CLASP1: variants seen among roughly 807,000 people sequenced by gnomAD.
The protein encoded by CLASP1 is CLIP-associating protein 1.
Under a neutral mutation model 192.3 loss-of-function variants are expected in CLASP1, and 38 were observed. The observed-to-expected ratio is 0.20, with a 90% confidence interval of 0.15 to 0.26. The LOEUF is 0.26. Ranked by LOEUF, CLASP1 falls within the 10% of genes least tolerant of loss-of-function variation. The pLI is 1.00. For synonymous variants in CLASP1, 691 were observed against 712.8 expected (o/e 0.97, Z 0.49); for missense variants, 1,433 against 1,932.5 (o/e 0.74, Z 4.85).
At chr2:121,522,061 C>T (rs766751177) in intron 6 of CLASP1, among the ~76,000 whole-genome samples, 4 of 152,078 alleles carry the variant, frequency 2.6e-5, no homozygotes, top group Admixed American at 6.5e-5. Flanking sequence ...TGGTTAGTAT[C>T]GGGGAGGTAG....
At chr2:121,435,912 C>T (rs1368291650) in intron 19 of CLASP1, among the ~76,000 whole-genome samples, 1 of 152,178 alleles carries the variant, frequency 6.6e-6, no homozygotes, top group Non-Finnish European at 1.5e-5. Flanking sequence ...TGATATGCTC[C>T]ACCCTTCCTA....
At chr2:121,430,966 G>A (rs1402275900) in intron 19 of CLASP1, among the ~76,000 whole-genome samples, 5 of 147,070 alleles carry the variant, frequency 3.4e-5, no homozygotes, top group Non-Finnish European at 5.9e-5. Flanking sequence ...TATGATTAGC[G>A]ATTAAACTTT....
intron 6 of CLASP1, among the ~76,000 whole-genome samples, chr2:121,524,770 A>G (rs2094535412): frequency 6.6e-6 from 1 of 152,098 alleles, no homozygotes; most frequent in Admixed American, 6.6e-5. Context: ...AATGCTATAT[A>G]TTTTCAACAA....
chr2:121,348,275 CAGAA>C (rs1044570661), intron 38 of CLASP1, among the ~76,000 whole-genome samples: 32 of 152,280 alleles, frequency 2.1e-4, no homozygotes, highest in African/African-American at 7.7e-4. Flanking sequence ...TTATAGTAAA[CAGAA>C]AGTTCATTCT....
At chr2:121,638,370 T>C (rs991641423) in intron 1 of CLASP1, among the ~76,000 whole-genome samples, 3 of 152,096 alleles carry the variant, frequency 2.0e-5, no homozygotes, top group Non-Finnish European at 4.4e-5. Flanking sequence ...TGTACATTGC[T>C]AGTCAGAATG....
chr2:121,375,519 A>ATGT (rs2069880910), intron 34 of CLASP1, among the ~76,000 whole-genome samples: 2 of 151,950 alleles, frequency 1.3e-5, no homozygotes, highest in Non-Finnish European at 2.9e-5. Context: ...GTGCACCACC[A>ATGT]AGCCCAGCTA....
intron 2 of CLASP1, among the ~76,000 whole-genome samples, chr2:121,536,572 G>C (rs2095087027): frequency 6.6e-6 from 1 of 152,098 alleles, no homozygotes; most frequent in Non-Finnish European, 1.5e-5. Flanking sequence ...CAGATGAATG[G>C]ATATACAAAA....
intron 3 of CLASP1, among the ~76,000 whole-genome samples, chr2:121,529,232 C>A (rs1311350993): frequency 6.6e-6 from 1 of 152,178 alleles, no homozygotes; most frequent in Non-Finnish European, 1.5e-5. Flanking sequence ...CCCATACACA[C>A]ATGAGACAGA....
intron 3 of CLASP1, among the ~76,000 whole-genome samples, chr2:121,529,460 G>A (rs904153662): frequency 6.6e-6 from 1 of 152,048 alleles, no homozygotes; most frequent in Non-Finnish European, 1.5e-5. Flanking sequence ...GTAAACAGTC[G>A]GTGCTCATGA....
intron 1 of CLASP1, among the ~76,000 whole-genome samples, chr2:121,642,618 GCTA>G (rs1365753430): frequency 6.6e-6 from 1 of 151,962 alleles, no homozygotes; most frequent in African/African-American, 2.4e-5. Flanking sequence ...TGTAATCTCA[GCTA>G]CATGGGAGGC....
rs577717672 is a variant in CLASP1 at position 121,468,103 on chromosome 2, G to A, written c.865+1705C>T. Among the ~76,000 whole-genome samples, 121 of 152,210 alleles carry A rather than the reference G, an allele frequency of 7.9e-4. 1 individual carries two copies. The highest frequency in any genetic ancestry group is 1.0e-3 in the African/African-American group (42 of 41,556). On this transcript the variant is annotated intron_variant, in intron 9 of 39. Transcript: ENST00000263710. ...TGTCGAAGATCAGATGGTTGTAGTC[G>A]TGGGTTCTTTATTTCTGGGTTCTCT...
intron 19 of CLASP1, among the ~76,000 whole-genome samples, chr2:121,442,043 CCAAA>C (rs1374255087): frequency 1.3e-5 from 2 of 152,104 alleles, no homozygotes; most frequent in Non-Finnish European, 2.9e-5. Context: ...TGATTATTCC[CCAAA>C]CAAACAATGG....
chr2:121,577,081 G>T (rs909020578), intron 2 of CLASP1, among the ~76,000 whole-genome samples: 5 of 152,170 alleles, frequency 3.3e-5, no homozygotes, highest in Non-Finnish European at 5.9e-5. Flanking sequence ...CACGTGGAAT[G>T]TGCTTTAAAA....
chr2:121,534,899 T>G (rs2095007207), intron 2 of CLASP1, among the ~76,000 whole-genome samples: 1 of 151,960 alleles, frequency 6.6e-6, no homozygotes, highest in Admixed American at 6.6e-5. Flanking sequence ...CAGGACAAAG[T>G]GAAAACTAGC....
chr2:121,500,393 AAAGAAAAG>A lies in CLASP1; in HGVS notation c.712+2766_712+2773del, dbSNP rs1242309395. On this transcript the variant is annotated intron_variant, in intron 8 of 39. Coordinates refer to ENST00000263710, the Ensembl canonical transcript of CLASP1. ...GAAAGAAAGAAAGAAAGAAAGAAAG[AAAGAAAAG>A]AAAGAAAGAAAGAAAAAAAAGAAAA... Among the ~76,000 whole-genome samples the A allele has an allele frequency of 2.4e-3, 353 of 145,722 alleles. 1 individual carries two copies. Among genetic ancestry groups the A allele is most frequent in the African/African-American group, 7.4e-3 (287 of 38,902 alleles).
rs116343682 is a variant in CLASP1 at position 121,351,418 on chromosome 2, T to C, written c.4207-2700A>G. Among the ~76,000 whole-genome samples the C allele has an allele frequency of 4.3e-3, 660 of 152,352 alleles. 7 individuals are homozygous for C. Among genetic ancestry groups the C allele is most frequent in the African/African-American group, 0.015 (621 of 41,566 alleles). On this transcript the variant is annotated intron_variant, in intron 37 of 39. Transcript: ENST00000263710. Reference sequence around the variant, plus strand: ...CATCCAGGAACTGAAACATTTCTGTTGTACCTAAGTACCCACTAAGCTGGG... The same window carrying C: ...CATCCAGGAACTGAAACATTTCTGTCGTACCTAAGTACCCACTAAGCTGGG...
At chr2:121,540,702 G>A (rs901721212) in intron 2 of CLASP1, among the ~76,000 whole-genome samples, 3 of 151,646 alleles carry the variant, frequency 2.0e-5, no homozygotes, top group Admixed American at 6.6e-5. Flanking sequence ...CAGGAGAATC[G>A]CTTGAACCCG....
chr2:121,518,051 G>A (rs371258372), intron 6 of CLASP1, among the ~76,000 whole-genome samples: 3 of 149,742 alleles, frequency 2.0e-5, no homozygotes, highest in South Asian at 2.1e-4. Context: ...CAAACATGGT[G>A]AAACCCCGTC....
chr2:121,585,899 C>CA (rs11320094), intron 2 of CLASP1, among the ~76,000 whole-genome samples: 12,521 of 111,096 alleles, frequency 0.11, 805 homozygotes, highest in Non-Finnish European at 0.16. Flanking sequence ...GACTCCATCT[C>CA]AAAAAAAAAA....
Sources: gnomAD v4.1 joint callset for allele counts (sites outside exome capture counted in the v4.1 genomes callset) on GRCh38, gnomAD v4.1.1 for gene constraint, MANE v1.5 for transcripts, NCBI Gene and HGNC (gene_info 2026-07-23, HGNC 2026-07-21) for gene names.